Variants in PPP1R12A observed in about 807,000 individuals in gnomAD.
PPP1R12A encodes the protein myosin binding subunit.
PPP1R12A carries 19 observed loss-of-function variants against 139.6 expected under a neutral mutation model. The ratio of observed to expected loss-of-function variants is 0.14; its 90% CI spans 0.09 to 0.20. The LOEUF (loss-of-function observed/expected upper bound fraction) is 0.20, where lower values mean the gene tolerates loss of function less well. Among genes scored for constraint, PPP1R12A ranks in the 10% least tolerant of loss-of-function variants. PPP1R12A has a pLI of 1.00. For synonymous variants in PPP1R12A, 427 were observed against 420.6 expected (o/e 1.02, Z -0.19); for missense variants, 925 against 1,211.5 (o/e 0.76, Z 3.51).
At chr12:79,794,821 G>A (rs934600219) in intron 18 of PPP1R12A, among the ~76,000 whole-genome samples, 7 of 151,956 alleles carry the variant, frequency 4.6e-5, no homozygotes, top group Non-Finnish European at 7.4e-5. Context: ...TAAATGTACT[G>A]CTACATAAAA....
intron 5 of PPP1R12A, among the ~76,000 whole-genome samples, chr12:79,826,002 T>C (rs1876710870): frequency 6.6e-6 from 1 of 152,042 alleles, no homozygotes; most frequent in Admixed American, 6.5e-5. Context: ...CTATAGACAT[T>C]ATGTAGCTCC....
At chr12:79,808,785 A>C (rs1262792032) in intron 10 of PPP1R12A, among the ~76,000 whole-genome samples, 1 of 152,170 alleles carries the variant, frequency 6.6e-6, no homozygotes, top group African/African-American at 2.4e-5. Context: ...TTTAGCCTGG[A>C]ATCAGATAAT....
In PPP1R12A at chr12:79,809,950, C is replaced by G; in HGVS notation, c.1300G>C (p.Ala434Pro). The change falls in exon 10 of 25, where the codon GCA becomes CCA. Residue 434 changes from alanine to proline, a missense_variant. By Grantham distance (27) the Ala-to-Pro change is conservative (BLOSUM62 -1). Coordinates refer to ENST00000450142, the MANE Select transcript of PPP1R12A (RefSeq NM_002480.3). ...TTTCTAAGTCCTAACCTCCAAGTTG[C>G]AGGAGACTCATCTTTTCTCTCTTCT... ...KEEERKDESP[A>P]TWRLGLRKTG... 1 of 1,613,596 alleles carries G rather than the reference C, an allele frequency of 6.2e-7. No homozygotes were observed. Among genetic ancestry groups the G allele is most frequent in the South Asian group, 1.1e-5 (1 of 91,044 alleles).
intron 22 of PPP1R12A, among the ~76,000 whole-genome samples, chr12:79,783,365 G>C (rs1176020515): frequency 2.0e-5 from 3 of 151,634 alleles, no homozygotes; most frequent in African/African-American, 7.3e-5. Context: ...CTACCTGGGA[G>C]GCTAAGGTGG....
At chr12:79,931,244 C>T (rs1021977518) in intron 1 of PPP1R12A, among the ~76,000 whole-genome samples, 4 of 152,110 alleles carry the variant, frequency 2.6e-5, no homozygotes, top group Non-Finnish European at 5.9e-5. Context: ...CAAAGGTTAA[C>T]GTGAATACAG....
chr12:79,808,615 G>A (rs982696572), intron 10 of PPP1R12A, 38 bp from the exon 11 acceptor site: 11 of 1,248,440 alleles, frequency 8.8e-6, no homozygotes, highest in Non-Finnish European at 1.2e-5. Flanking sequence ...AAATTAATTT[G>A]GGTACTGACT....
chr12:79,849,502 A>G (rs1055967526), intron 2 of PPP1R12A, among the ~76,000 whole-genome samples: 5 of 152,248 alleles, frequency 3.3e-5, no homozygotes, highest in Admixed American at 3.3e-4. Context: ...TTGAAAACAG[A>G]CATCTAGATT....
At chr12:79,899,233 A>AATATAT (rs58319454) in intron 1 of PPP1R12A, among the ~76,000 whole-genome samples, 50 of 141,892 alleles carry the variant, frequency 3.5e-4, no homozygotes, top group East Asian at 1.4e-3. Flanking sequence ...AGATCTTAAA[A>AATATAT]ATATATATAT....
In PPP1R12A at chr12:79,817,411, T is replaced by A. The variant is rs746564094; in HGVS notation, c.1222A>T (p.Thr408Ser). 1 of 1,612,020 alleles carries A rather than the reference T, an allele frequency of 6.2e-7. No homozygotes were observed. Among genetic ancestry groups the A allele is most frequent in the Admixed American group, 1.7e-5 (1 of 59,846 alleles). The change falls in exon 9 of 25, where the codon ACA (threonine) becomes TCA (serine). Residue 408 changes from threonine (T) to serine (S), a missense_variant. By Grantham distance (58) the Thr-to-Ser change is moderately conservative (BLOSUM62 1). Transcript: ENST00000450142. ...TGGCTTACCTTTTTAATAGGTGATG[T>A]AGGTGTTGCTTGACCTGATGACACA... Reference protein sequence around the residue: ...PTVSSGQATPTSPIKKFPTTA... With the variant: ...PTVSSGQATPSSPIKKFPTTA...
intron 2 of PPP1R12A, among the ~76,000 whole-genome samples, chr12:79,859,354 G>GAAAAAAAA (rs1160349807): frequency 5.0e-5 from 2 of 40,122 alleles, no homozygotes; most frequent in African/African-American, 1.4e-4. Context: ...AAAAAAGAAA[G>GAAAAAAAA]AAAAAAAAAA....
intron 9 of PPP1R12A, among the ~76,000 whole-genome samples, chr12:79,817,024 AATAGAG>A (rs1305352005): frequency 7.2e-5 from 11 of 152,182 alleles, no homozygotes; most frequent in African/African-American, 1.9e-4. Context: ...ACCTCTACTT[AATAGAG>A]ATAAAGGATA....
In PPP1R12A at chr12:79,788,654, A is replaced by G. The variant is rs781145474; in HGVS notation, c.2796T>C (p.Phe932=). 6.2e-7 allele frequency: 1 copy of G among 1,608,382 alleles called. No individual in the cohort carries two copies. Among genetic ancestry groups the G allele is most frequent in the Non-Finnish European group, 8.5e-7 (1 of 1,177,856 alleles). ...SRLEKDDSTD[F]KKLYEQILAE... ...AACTAAATAACCCAAGTACCTTTTT[A>G]AAGTCAGTTGAGTCATCCTTTTCTA... The change falls in exon 21 of 25, where the codon TTT becomes TTC. Residue 932 remains phenylalanine, a synonymous_variant. Coordinates refer to ENST00000450142, the MANE Select transcript of PPP1R12A (RefSeq NM_002480.3).
At chr12:79,914,978 A>G (rs1013105581) in intron 1 of PPP1R12A, among the ~76,000 whole-genome samples, 4 of 152,128 alleles carry the variant, frequency 2.6e-5, no homozygotes, top group African/African-American at 9.7e-5. Flanking sequence ...AGATACTATA[A>G]TCTTATAAAT....
At chr12:79,925,335 C>T (rs1887757676) in intron 1 of PPP1R12A, among the ~76,000 whole-genome samples, 4 of 151,948 alleles carry the variant, frequency 2.6e-5, no homozygotes, top group African/African-American at 9.7e-5. Flanking sequence ...TAAGAGGGTG[C>T]CAAGTGACAT....
At chr12:79,869,274 G>A (rs532852215) in intron 2 of PPP1R12A, among the ~76,000 whole-genome samples, 1 of 152,298 alleles carries the variant, frequency 6.6e-6, no homozygotes, top group South Asian at 2.1e-4. Flanking sequence ...GCCTAGAAAT[G>A]ATACTGTAAT....
intron 4 of PPP1R12A, among the ~76,000 whole-genome samples, chr12:79,831,198 A>G (rs1056257551): frequency 2.6e-5 from 4 of 152,138 alleles, no homozygotes; most frequent in African/African-American, 9.7e-5. Context: ...TGGATTAGAG[A>G]GAAACAGGTG....
chr12:79,820,608 C>G (rs560402089), intron 8 of PPP1R12A, among the ~76,000 whole-genome samples, 166 bp downstream of exon 8: 1 of 152,138 alleles, frequency 6.6e-6, no homozygotes, highest in Non-Finnish European at 1.5e-5. Context: ...AATAAATTCA[C>G]AACTATATGT....
chr12:79,775,203 G>C lies in PPP1R12A; in HGVS notation c.*726C>G, dbSNP rs552245562. The C allele has an allele frequency of 6.6e-6, 1 of 152,318 alleles. No individual in the cohort carries two copies. Among genetic ancestry groups the C allele is most frequent in the African/African-American group, 2.4e-5 (1 of 41,354 alleles). The allele number at this position is 152,318 out of a possible 1,614,324, so 9.4% of individuals were successfully genotyped here. A position where few individuals can be genotyped will look rare whatever the true frequency, so the allele number is the denominator to read the frequency against. ...AAAGTGACCAATGAAGCAGAAAATA[G>C]GAATTAAAAGATCTAACCTCAAATG... is the stretch of plus-strand genomic sequence containing the variant. On this transcript the variant is annotated 3_prime_UTR_variant, in exon 25 of 25. Coordinates refer to ENST00000450142, the MANE Select transcript of PPP1R12A (RefSeq NM_002480.3).
At chr12:79,859,337 T>TAAAA (rs762029004) in intron 2 of PPP1R12A, among the ~76,000 whole-genome samples, 16 of 73,584 alleles carry the variant, frequency 2.2e-4, no homozygotes, top group East Asian at 3.6e-4. Context: ...ACTCTGTCTT[T>TAAAA]AAAAAAAAAA....
Sources: gnomAD v4.1 joint callset for allele counts (sites outside exome capture counted in the v4.1 genomes callset) on GRCh38, gnomAD v4.1.1 for gene constraint, MANE v1.5 for transcripts, NCBI Gene and HGNC (gene_info 2026-07-23, HGNC 2026-07-21) for gene names.